The following CASK variants were observed in gnomAD, a reference collection of about 807,000 sequenced individuals.
CASK encodes peripheral plasma membrane protein CASK.
In CASK, 4 loss-of-function variants were observed where a neutral mutation model predicts 82.9. The ratio of observed to expected loss-of-function variants is 0.05; its 90% confidence interval spans 0.02 to 0.11. CASK has a LOEUF of 0.11. CASK is among the 10% of genes least tolerant of loss of function. The pLI is 1.00. For synonymous variants in CASK, 259 were observed against 253.5 expected, an observed-to-expected ratio of 1.02 and a Z score of -0.20; for missense variants, 358 against 720.9, an observed-to-expected ratio of 0.50 and a Z score of 5.76.
intron 24 of CASK, among the ~76,000 whole-genome samples, chrX:41,534,459 CAAGCCTAGAAGGGTATACAACAGAG>C (rs1326034574): frequency 1.8e-5 from 2 of 108,130 alleles, no homozygotes; most frequent in Admixed American, 1.0e-4. Flanking sequence ...TGTACTAAGA[CAAGCCTAGAAGGGTATACAACAGAG>C]AAGCCTAGAA....
intron 9 of CASK, among the ~76,000 whole-genome samples, chrX:41,629,385 A>C (rs749449611): frequency 8.9e-6 from 1 of 112,120 alleles, no homozygotes; most frequent in Non-Finnish European, 1.9e-5. Context: ...GGATTCATAT[A>C]ATTTTATTAG....
chrX:41,580,657 G>A (rs759264741), intron 14 of CASK, among the ~76,000 whole-genome samples: 62 of 111,435 alleles, frequency 5.6e-4, no homozygotes, highest in Non-Finnish European at 9.6e-4. Context: ...ACCACAAAAC[G>A]AAACTTAACC....
intron 3 of CASK, among the ~76,000 whole-genome samples, chrX:41,778,567 T>C (rs771181996): frequency 1.8e-5 from 2 of 111,993 alleles, no homozygotes; most frequent in Admixed American, 9.6e-5. Context: ...ACTATACTTC[T>C]TTTAAATAAC....
At chrX:41,887,313 C>T (rs1373507967) in intron 1 of CASK, among the ~76,000 whole-genome samples, 1 of 106,981 alleles carries the variant, frequency 9.3e-6, no homozygotes, top group East Asian at 3.0e-4. Context: ...CACACACACA[C>T]ACACACACAC....
chrX:41,818,220 A>G (rs188145443), intron 2 of CASK, among the ~76,000 whole-genome samples: 1 of 107,426 alleles, frequency 9.3e-6, no homozygotes, highest in Admixed American at 1.0e-4. Context: ...AACTAATTCT[A>G]AAATTCATAC....
chrX:41,737,357 C>A (rs1281395208), intron 5 of CASK, among the ~76,000 whole-genome samples: 1 of 112,093 alleles, frequency 8.9e-6, no homozygotes, highest in Non-Finnish European at 1.9e-5. Context: ...TCTGCCCAAA[C>A]TGCAGAATTG....
intron 1 of CASK, among the ~76,000 whole-genome samples, chrX:41,873,931 T>C (rs1185079957): frequency 9.2e-6 from 1 of 108,767 alleles, no homozygotes; most frequent in Non-Finnish European, 1.9e-5. Context: ...GCTGGGTCTA[T>C]AGGCGCACAC....
chrX:41,569,779 G>T, intron 15 of CASK, 33 bp from the exon 16 acceptor site: 1 of 862,701 alleles, frequency 1.2e-6, no homozygotes, highest in Non-Finnish European at 1.7e-6. Context: ...TTCAGCAAAA[G>T]TAGAATTACT....
At chrX:41,570,737 T>G (rs2065401086) in intron 15 of CASK, among the ~76,000 whole-genome samples, 1 of 112,202 alleles carries the variant, frequency 8.9e-6, no homozygotes, top group Non-Finnish European at 1.9e-5. Context: ...GCATAATTAT[T>G]TTGAGATTCC....
intron 1 of CASK, among the ~76,000 whole-genome samples, chrX:41,917,767 G>T (rs1168592592): frequency 8.9e-6 from 1 of 111,994 alleles, no homozygotes; most frequent in Middle Eastern, 4.6e-3. Flanking sequence ...GAAGAGACTA[G>T]AGAAGGTTGT....
chrX:41,545,976 AT>A lies in CASK; in HGVS notation c.2040-3171del, dbSNP rs926613216. On this transcript the variant is annotated intron_variant, in intron 21 of 26. Coordinates refer to ENST00000378163, the MANE Select transcript of CASK (RefSeq NM_001367721.1). ...AGCGGACTACAGGTGCATGTCACCC[AT>A]TTTTTTTTTCTTGAGACAGAGTGTC... is the stretch of plus-strand genomic sequence containing the variant. 5.7e-3 allele frequency among the ~76,000 whole-genome samples: 591 copies of A among 103,857 alleles called. 5 individuals are homozygous for A. The highest frequency in any genetic ancestry group is 0.02 in the African/African-American group (567 of 28,621). 90.2% of individuals were successfully genotyped at this position (103,857 alleles called of 115,157 possible). A position where few individuals can be genotyped will look rare whatever the true frequency, so the allele number is the denominator to read the frequency against.
chrX:41,789,008 A>G (rs1392986474), intron 2 of CASK, among the ~76,000 whole-genome samples: 1 of 111,842 alleles, frequency 8.9e-6, no homozygotes, highest in East Asian at 2.8e-4. Context: ...TCATGAGGGT[A>G]GGTTTTGAAC....
At chrX:41,539,689 G>T (rs1370664235) in intron 22 of CASK, among the ~76,000 whole-genome samples, 1 of 112,179 alleles carries the variant, frequency 8.9e-6, no homozygotes, top group Non-Finnish European at 1.9e-5. Context: ...ACCTTTCATC[G>T]TAGCTAAAAG....
At chrX:41,643,970 G>C (rs2066708752) in intron 8 of CASK, among the ~76,000 whole-genome samples, 1 of 111,879 alleles carries the variant, frequency 8.9e-6, no homozygotes, top group African/African-American at 3.3e-5. Flanking sequence ...TTTATTGAGA[G>C]TTTTTAGCAT....
intron 12 of CASK, among the ~76,000 whole-genome samples, chrX:41,597,323 T>C (rs1185023471): frequency 1.8e-5 from 2 of 111,873 alleles, no homozygotes; most frequent in African/African-American, 6.5e-5. Context: ...GCTTGTAGGG[T>C]TGCAAAGAAC....
At chrX:41,763,504 A>T (rs1386685502) in intron 3 of CASK, among the ~76,000 whole-genome samples, 1 of 110,511 alleles carries the variant, frequency 9.0e-6, no homozygotes, top group Non-Finnish European at 1.9e-5. Context: ...TCTACAAAAA[A>T]ATACAAAAAT....
chrX:41,900,367 T>G (rs1044747267), intron 1 of CASK, among the ~76,000 whole-genome samples: 3 of 111,380 alleles, frequency 2.7e-5, no homozygotes, highest in Non-Finnish European at 5.7e-5. Flanking sequence ...CTGCTTCATC[T>G]GGAAATCTCA....
intron 25 of CASK, chrX:41,524,498 A>T (rs1482054405): frequency 6.3e-6 from 1 of 159,835 alleles, no homozygotes; most frequent in Non-Finnish European, 1.2e-5. Flanking sequence ...TGTCCACTGT[A>T]ACTGTGTGTT....
At chrX:41,821,319 G>A (rs2070536415) in intron 2 of CASK, among the ~76,000 whole-genome samples, 1 of 111,721 alleles carries the variant, frequency 9.0e-6, no homozygotes, top group African/African-American at 3.3e-5. Flanking sequence ...TGGCCAATAA[G>A]TGCAACATTT....
Sources: gnomAD v4.1 joint callset for allele counts (sites outside exome capture counted in the v4.1 genomes callset) on GRCh38, gnomAD v4.1.1 for gene constraint, MANE v1.5 for transcripts, NCBI Gene and HGNC (gene_info 2026-07-23, HGNC 2026-07-21) for gene names.